The following ERCC5 variants were observed in gnomAD, a reference collection of about 807,000 sequenced individuals.
The protein encoded by ERCC5 is ERCC excision repair 5, endonuclease, also known as DNA excision repair protein ERCC-5.
A neutral mutation model predicts 105.6 loss-of-function variants in ERCC5; 68 were observed. The observed-to-expected ratio is 0.64, with a 90% CI of 0.53 to 0.79. The LOEUF is 0.79. ERCC5 is among the 30% of genes least tolerant of loss of function. The probability of loss-of-function intolerance (pLI) is 0.00; values close to 1 mark genes in which losing one functional copy is unlikely to be tolerated. For missense variants in ERCC5, 1,373 were observed against 1,426.7 expected (o/e 0.96, Z 0.61); for synonymous variants, 546 against 526.2 (o/e 1.04, Z -0.51).
chr13:102,851,233 C>T (rs1882188053), intron 1 of ERCC5, among the ~76,000 whole-genome samples: 1 of 152,154 alleles, frequency 6.6e-6, no homozygotes, highest in Non-Finnish European at 1.5e-5. Context: ...TTCCTTATCA[C>T]ACATGCTCCT....
intron 12 of ERCC5, among the ~76,000 whole-genome samples, chr13:102,869,103 A>G (rs1882945537): frequency 6.6e-6 from 1 of 152,162 alleles, no homozygotes; most frequent in Non-Finnish European, 1.5e-5. Flanking sequence ...CCAGTTACAT[A>G]TCCTGTGTTT....
At chr13:102,866,948 T>C in intron 11 of ERCC5, 103 bp downstream of exon 11, 2 of 1,328,970 alleles carry the variant, frequency 1.5e-6, no homozygotes, top group South Asian at 2.7e-5. Context: ...TTGATGGAAA[T>C]TGCAGGTCTA....
chr13:102,868,205 G>A lies in ERCC5; in HGVS notation c.2626G>A (p.Glu876Lys), dbSNP rs776965204. The A allele has an allele frequency of 6.2e-7, 1 of 1,614,174 alleles. No homozygotes were observed. The highest frequency in any genetic ancestry group is 8.5e-7 in the Non-Finnish European group (1 of 1,180,026). The change falls in exon 12 of 15, where the codon GAA (glutamate) becomes AAA (lysine). Residue 876 changes from glutamate (E) to lysine (K), a missense_variant. Physicochemically the swap from Glu to Lys is moderately conservative, Grantham distance 56. Transcript: ENST00000652225. ...IPTVGCVTAM[E>K]ILNEFPGHGL... ...AACTGTGGGTTGTGTAACCGCCATGGAAATTCTCAATGAATTCCCTGGGCA... is the reference window on the plus strand; with the variant it reads ...AACTGTGGGTTGTGTAACCGCCATGAAAATTCTCAATGAATTCCCTGGGCA...
chr13:102,862,998 A>G lies in ERCC5; in HGVS notation c.1849A>G (p.Thr617Ala), dbSNP rs997224464. Residue 617 changes from threonine to alanine, a missense_variant, in exon 8 of 15, where the codon ACC becomes GCC. This residue lies in a region of ERCC5 where 1,004 missense variants were observed against 1,059.7 expected (regional missense o/e 0.95). Coordinates refer to ENST00000652225, the MANE Select transcript of ERCC5 (RefSeq NM_000123.4). ...TAAAGAGCATGAGAATTTTCTGGAA[A>G]CCATCCAAGAACAGCAGACCACTGA... ...NAKEHENFLE[T>A]IQEQQTTESA... The G allele has an allele frequency of 2.5e-6, 4 of 1,614,212 alleles. No homozygotes were observed. The highest frequency in any genetic ancestry group is 1.7e-5 in the Admixed American group (1 of 60,028).
At chr13:102,854,101 C>A (rs1882309551) in intron 3 of ERCC5, among the ~76,000 whole-genome samples, 187 bp from the exon 4 acceptor site, 2 of 152,148 alleles carry the variant, frequency 1.3e-5, no homozygotes, top group Non-Finnish European at 2.9e-5. Flanking sequence ...CGTGTTGCGT[C>A]ATGTACACTT....
In ERCC5 at chr13:102,862,801, C is replaced by T; in HGVS notation, c.1652C>T (p.Pro551Leu). 1 of 1,614,184 alleles carries T rather than the reference C, an allele frequency of 6.2e-7. No individual in the cohort carries two copies. The highest frequency in any genetic ancestry group is 8.5e-7 in the Non-Finnish European group (1 of 1,180,026). The change falls in exon 8 of 15, where the codon CCA becomes CTA. Residue 551 changes from proline to leucine, a missense_variant. Coordinates refer to ENST00000652225, the MANE Select transcript of ERCC5 (RefSeq NM_000123.4). Reference protein sequence around the residue: ...EVLEQQNELCPYESKFDSSLL... With the variant: ...EVLEQQNELCLYESKFDSSLL... ...CTTGAGCAGCAGAACGAACTTTGCC[C>T]ATATGAGAGTAAATTCGATTCTTCT...
chr13:102,864,907 G>A (rs1399295613), intron 8 of ERCC5: 1 of 152,622 alleles, frequency 6.6e-6, no homozygotes, highest in African/African-American at 2.4e-5. Flanking sequence ...ATGGGGTTCA[G>A]TCTAGCCTCC....
At chr13:102,864,382 CT>C (rs1882759146) in intron 8 of ERCC5, among the ~76,000 whole-genome samples, 1 of 152,066 alleles carries the variant, frequency 6.6e-6, no homozygotes, top group Non-Finnish European at 1.5e-5. Context: ...TCCATCATTC[CT>C]TATATATTAT....
At chr13:102,851,002 T>G (rs576169309) in intron 1 of ERCC5, among the ~76,000 whole-genome samples, 58 of 152,264 alleles carry the variant, frequency 3.8e-4, no homozygotes, top group African/African-American at 1.3e-3. Flanking sequence ...AATATAACAT[T>G]TTTTGAGAAG....
chr13:102,867,205 G>A (rs926248614), intron 11 of ERCC5, among the ~76,000 whole-genome samples: 3 of 152,200 alleles, frequency 2.0e-5, no homozygotes, highest in African/African-American at 4.8e-5. Context: ...TATATGTTTG[G>A]TGACTCCTAT....
In ERCC5 at chr13:102,850,976, CTCTT is replaced by C. The variant is rs1361437922; in HGVS notation, c.89-1136_89-1133del. ...GGAAAACCAGCAGAGCGCGGTGTCA[CTCTT>C]TCTTTTGGACAAATATAACATTTTT... On this transcript the variant is annotated intron_variant, in intron 1 of 14. Coordinates refer to ENST00000652225, the MANE Select transcript of ERCC5 (RefSeq NM_000123.4). 2.0e-5 allele frequency among the ~76,000 whole-genome samples: 3 copies of C among 152,294 alleles called. No homozygotes were observed. The South Asian group carries it at 6.2e-4, about 32-fold the overall frequency.
At position 102,862,124 on chromosome 13, in the gene ERCC5, AT is replaced by A. The variant is rs1882644889; in HGVS notation, c.976del (p.Cys326ValfsTer4). 2.5e-6 allele frequency: 4 copies of A among 1,614,192 alleles called. No individual in the cohort carries two copies. The East Asian group carries it at 8.9e-5, about 36-fold the overall frequency. On this transcript the variant is annotated frameshift_variant, in exon 8 of 15. Transcript: ENST00000652225. LOFTEE classifies it high-confidence loss of function. ...TGTCTTTTGACGTGAAGTCATCTCC[AT>A]GTGAAAAACTGAAGACAGAGAAAGA... The part of the protein sequence containing the change: ...GMSFDVKSSP[C>X]EKLKTEKEPD...
At chr13:102,851,933 A>C (rs1219812865) in intron 1 of ERCC5, among the ~76,000 whole-genome samples, 185 bp from the exon 2 acceptor site, 1 of 152,188 alleles carries the variant, frequency 6.6e-6, no homozygotes, top group East Asian at 1.9e-4. Context: ...TAGGGGTAAC[A>C]AGAGTTCAAC....
Position 102,862,783 on chromosome 13 carries a change from A to G in ERCC5, c.1634A>G (p.Gln545Arg), listed in dbSNP as rs778300706. The change falls in exon 8 of 15, where the codon CAG becomes CGG. Residue 545 changes from glutamine (Q) to arginine (R), a missense_variant. Physicochemically the swap from Gln to Arg is conservative, Grantham distance 43. Around this residue, in one of 3 missense-constraint regions of ERCC5, gnomAD observed 1,004 missense variants for 1,059.7 expected, o/e 0.95. Transcript: ENST00000652225. ...KNETHAEVLE[Q>R]QNELCPYESK... ...GAAACACATGCTGAAGTGCTTGAGCAGCAGAACGAACTTTGCCCATATGAG... is the reference window on the plus strand; with the variant it reads ...GAAACACATGCTGAAGTGCTTGAGCGGCAGAACGAACTTTGCCCATATGAG... 6.2e-7 allele frequency: 1 copy of G among 1,614,236 alleles called. No individual in the cohort carries two copies. Among genetic ancestry groups the G allele is most frequent in the Non-Finnish European group, 8.5e-7 (1 of 1,180,038 alleles).
chr13:102,863,121 T>C lies in ERCC5; in HGVS notation c.1954+18T>C. 1 of 1,610,012 alleles carries C rather than the reference T, an allele frequency of 6.2e-7. No individual in the cohort carries two copies. Among genetic ancestry groups the C allele is most frequent in the Non-Finnish European group, 8.5e-7 (1 of 1,179,086 alleles). ...ATCTGATGGTACGTGTCTGTGCTTT[T>C]GTAGAAATCTGGAACGGTAGGATTT... On this transcript the variant is annotated intron_variant, in intron 8 of 14. Coordinates refer to ENST00000652225, the MANE Select transcript of ERCC5 (RefSeq NM_000123.4).
chr13:102,870,994 G>GT (rs1234863818), intron 12 of ERCC5, among the ~76,000 whole-genome samples: 9 of 152,188 alleles, frequency 5.9e-5, no homozygotes, highest in African/African-American at 1.9e-4. Context: ...TTCAGCCTTA[G>GT]TGGCTTCACA....
At chr13:102,861,856 C>A (rs1285183292) in intron 7 of ERCC5, 142 bp downstream of exon 7, 1 of 1,354,922 alleles carries the variant, frequency 7.4e-7, no homozygotes, top group Non-Finnish European at 1.0e-6. Flanking sequence ...AATGGATTAA[C>A]TACTATAGTG....
At chr13:102,856,809 C>T (rs1342577147) in intron 5 of ERCC5, among the ~76,000 whole-genome samples, 2 of 152,194 alleles carry the variant, frequency 1.3e-5, no homozygotes, top group Non-Finnish European at 2.9e-5. Flanking sequence ...CTACTTGTGG[C>T]CTCTCCACGT....
intron 12 of ERCC5, among the ~76,000 whole-genome samples, chr13:102,869,043 G>A (rs1005048847): frequency 2.6e-5 from 4 of 152,170 alleles, no homozygotes; most frequent in Non-Finnish European, 2.9e-5. Context: ...TCACTATGTC[G>A]TGAGATGCTG....
Sources: gnomAD v4.1 joint callset for allele counts (sites outside exome capture counted in the v4.1 genomes callset) on GRCh38, gnomAD v4.1.1 for gene constraint, gnomAD v4.1.1 regional missense constraint, MANE v1.5 for transcripts, NCBI Gene and HGNC (gene_info 2026-07-23, HGNC 2026-07-21) for gene names.